The following R3HCC1L variants were observed in gnomAD, a reference collection of about 807,000 sequenced individuals.
The protein encoded by R3HCC1L is R3H domain and coiled-coil containing 1 like, also known as coiled-coil domain-containing protein R3HCC1L.
A neutral mutation model predicts 59.9 loss-of-function variants in R3HCC1L; 51 were observed. That is an observed-to-expected ratio of 0.85 (90% confidence interval 0.68 to 1.07). R3HCC1L has a LOEUF of 1.07. R3HCC1L is among the 50% of genes least tolerant of loss of function. R3HCC1L has a pLI of 0.00. For missense variants in R3HCC1L, 965 were observed against 933.0 expected, an observed-to-expected ratio of 1.03 and a Z score of -0.45; for synonymous variants, 322 against 315.2, an observed-to-expected ratio of 1.02 and a Z score of -0.23.
At chr10:98,147,181 A>G (rs1845741430) in intron 1 of R3HCC1L, among the ~76,000 whole-genome samples, 1 of 152,054 alleles carries the variant, frequency 6.6e-6, no homozygotes, top group Non-Finnish European at 1.5e-5. Flanking sequence ...CATTTTTTTC[A>G]TATACCTGTT....
At chr10:98,190,247 A>G (rs892314825) in intron 4 of R3HCC1L, among the ~76,000 whole-genome samples, 1 of 152,186 alleles carries the variant, frequency 6.6e-6, no homozygotes, top group Admixed American at 6.5e-5. Context: ...ACCCATGGAT[A>G]TGGAGGGCCA....
chr10:98,153,584 C>T (rs1427995649), intron 1 of R3HCC1L, among the ~76,000 whole-genome samples: 7 of 139,742 alleles, frequency 5.0e-5, no homozygotes, highest in African/African-American at 8.1e-5. Flanking sequence ...TCCCCCTCTG[C>T]GAGAAACACC....
intron 1 of R3HCC1L, among the ~76,000 whole-genome samples, chr10:98,140,697 A>G (rs921026325): frequency 6.6e-6 from 1 of 152,228 alleles, no homozygotes; most frequent in African/African-American, 2.4e-5. Context: ...GGGAAAATAA[A>G]CAGATATTAA....
chr10:98,189,567 T>C lies in R3HCC1L; in HGVS notation c.-14-18534T>C, dbSNP rs560079903. On this transcript the variant is annotated intron_variant, in intron 4 of 9. Transcript: ENST00000298999. ...TCACTATAGACTTTAATTTTAGAAA[T>C]TATTGTCTTATTCTTTTAAATTGTA... 4.6e-4 allele frequency among the ~76,000 whole-genome samples: 70 copies of C among 152,256 alleles called. 2 individuals are homozygous for C. In the South Asian group the frequency reaches 0.014, roughly 31 times the overall value.
At chr10:98,138,941 GGGT>G (rs1844850059) in intron 1 of R3HCC1L, among the ~76,000 whole-genome samples, 1 of 152,264 alleles carries the variant, frequency 6.6e-6, no homozygotes, top group South Asian at 2.1e-4. Context: ...TTAAAGATTG[GGGT>G]GGTGTTGTTA....
chr10:98,195,687 C>T (rs1460871577), intron 4 of R3HCC1L, among the ~76,000 whole-genome samples: 1 of 152,058 alleles, frequency 6.6e-6, no homozygotes, highest in Non-Finnish European at 1.5e-5. Flanking sequence ...ATTTTTAAAA[C>T]TGTACCTTGT....
chr10:98,207,029 A>G (rs1852758101), intron 4 of R3HCC1L, among the ~76,000 whole-genome samples: 1 of 152,212 alleles, frequency 6.6e-6, no homozygotes, highest in African/African-American at 2.4e-5. Context: ...TCAAGGAAGT[A>G]TTCTGGACCA....
intron 4 of R3HCC1L, chr10:98,174,378 G>A (rs1402129656): frequency 2.3e-6 from 1 of 441,702 alleles, no homozygotes; most frequent in Non-Finnish European, 3.0e-6. Flanking sequence ...TTTAAAATTA[G>A]TATAAGATCT....
intron 5 of R3HCC1L, among the ~76,000 whole-genome samples, chr10:98,222,796 A>C (rs1413541650): frequency 6.6e-6 from 1 of 152,120 alleles, no homozygotes; most frequent in Non-Finnish European, 1.5e-5. Context: ...CGCTAGCAAG[A>C]CTAATAAAGA....
chr10:98,141,899 A>C (rs1348630153), intron 1 of R3HCC1L, among the ~76,000 whole-genome samples: 1 of 152,232 alleles, frequency 6.6e-6, no homozygotes, highest in African/African-American at 2.4e-5. Context: ...TGCTTCTCAC[A>C]GGAGTGTCAG....
rs534022100 is a variant in R3HCC1L, at chr10:98,150,407, C to CT, written c.-267-5682dup. On this transcript the variant is annotated intron_variant, in intron 1 of 9. Coordinates refer to ENST00000298999, the MANE Select transcript of R3HCC1L (RefSeq NM_001351015.2). ...GGATAGTTCTTTGTTCCAGTCTTTT[C>CT]TTTTGGCCTTGTTTTCTGTTTTTCA... is the stretch of plus-strand genomic sequence containing the variant. Among the ~76,000 whole-genome samples, 57 of 152,042 alleles carry CT rather than the reference C, an allele frequency of 3.7e-4. 1 individual carries two copies. The East Asian group carries it at 0.01, about 27-fold the overall frequency.
rs189610934 is a variant in R3HCC1L, at chr10:98,215,019, T to G, written c.1785+5120T>G. Among the ~76,000 whole-genome samples, 678 of 152,268 alleles carry G rather than the reference T, an allele frequency of 4.5e-3. 10 individuals are homozygous for G. The highest frequency in any genetic ancestry group is 0.01 in the Admixed American group (160 of 15,290). Reference sequence around the variant, plus strand: ...TAGCTAAAGTAAGTTCATGCCAGAGTTGGCATTAGAATCTGTGCCTCCTGG... The same window carrying G: ...TAGCTAAAGTAAGTTCATGCCAGAGGTGGCATTAGAATCTGTGCCTCCTGG... On this transcript the variant is annotated intron_variant, in intron 5 of 9. Coordinates refer to ENST00000298999, the MANE Select transcript of R3HCC1L (RefSeq NM_001351015.2).
At chr10:98,161,761 T>A (rs977715918) in intron 2 of R3HCC1L, among the ~76,000 whole-genome samples, 5 of 152,210 alleles carry the variant, frequency 3.3e-5, no homozygotes, top group Non-Finnish European at 7.4e-5. Context: ...ACTTTCTATT[T>A]CTGTGCCATT....
intron 4 of R3HCC1L, among the ~76,000 whole-genome samples, chr10:98,166,525 C>G (rs1847965254): frequency 6.6e-6 from 1 of 152,140 alleles, no homozygotes; most frequent in African/African-American, 2.4e-5. Flanking sequence ...AAATCTGTTT[C>G]TAAAGGCCTA....
intron 1 of R3HCC1L, among the ~76,000 whole-genome samples, chr10:98,143,717 T>C (rs1845391070): frequency 1.3e-5 from 2 of 152,216 alleles, no homozygotes; most frequent in South Asian, 4.1e-4. Context: ...CATAATGTCA[T>C]GTAGTTTTAA....
intron 4 of R3HCC1L, among the ~76,000 whole-genome samples, chr10:98,179,511 G>A (rs139685978): frequency 6.6e-6 from 1 of 152,222 alleles, no homozygotes; most frequent in East Asian, 1.9e-4. Context: ...CAGGGATATT[G>A]GTCTAAAATT....
intron 5 of R3HCC1L, among the ~76,000 whole-genome samples, chr10:98,218,265 T>C (rs193030942): frequency 1.2e-4 from 19 of 152,280 alleles, no homozygotes; most frequent in African/African-American, 4.1e-4. Flanking sequence ...GTTGAGATGT[T>C]TATATGGGTT....
In R3HCC1L at chr10:98,209,568, CTT is replaced by C. The variant is rs1346475154; in HGVS notation, c.1459_1460del (p.Leu487GlyfsTer3). The C allele has an allele frequency of 1.2e-6, 2 of 1,613,832 alleles. No homozygotes were observed. The highest frequency in any genetic ancestry group is 1.7e-5 in the Admixed American group (1 of 59,972). Reference sequence around the variant, plus strand: ...AAGATTGCTGGTAGTAATTATAACACTTTTTTGGACTCTGAACTCAGTATGTT... The same window carrying C: ...AAGATTGCTGGTAGTAATTATAACACTTTTGGACTCTGAACTCAGTATGTT... On this transcript the variant is annotated frameshift_variant, in exon 5 of 10. Transcript: ENST00000298999. LOFTEE classifies it high-confidence loss of function.
At chr10:98,203,120 C>T (rs1228045266) in intron 4 of R3HCC1L, among the ~76,000 whole-genome samples, 1 of 152,138 alleles carries the variant, frequency 6.6e-6, no homozygotes, top group Non-Finnish European at 1.5e-5. Flanking sequence ...ACTTTGATAA[C>T]TGTATTATGG....
Sources: allele counts gnomAD v4.1 joint callset (sites outside exome capture counted in the v4.1 genomes callset), GRCh38; gene constraint gnomAD v4.1.1; transcripts MANE v1.5; gene names NCBI Gene and HGNC (gene_info 2026-07-23, HGNC 2026-07-21).